Variants in OSBPL9 observed in about 807,000 individuals in gnomAD.
OSBPL9 encodes oxysterol binding protein like 9.
Under a neutral mutation model 106.6 loss-of-function variants are expected in OSBPL9, and 40 were observed. That is an observed-to-expected ratio of 0.38 (90% CI 0.29 to 0.49). OSBPL9 has a LOEUF of 0.49. Among genes scored for constraint, OSBPL9 ranks in the 20% least tolerant of loss-of-function variants. The pLI, the probability that OSBPL9 is intolerant of heterozygous loss-of-function variation, is 0.97. For synonymous variants in OSBPL9, 269 were observed against 295.4 expected (o/e 0.91, Z 0.92); for missense variants, 609 against 887.2 (o/e 0.69, Z 3.98).
At chr1:51,526,734 T>C in the OSBPL9 span, among the ~76,000 whole-genome samples, 8 of 147,902 alleles carry the variant, frequency 5.4e-5, no homozygotes, top group Non-Finnish European at 9.0e-5. Flanking sequence ...TATTTTACCC[T>C]TTTTTTTTTA....
At chr1:51,537,875 G>C in the OSBPL9 span, among the ~76,000 whole-genome samples, 1 of 152,042 alleles carries the variant, frequency 6.6e-6, no homozygotes, top group African/African-American at 2.4e-5. Context: ...ATTCATTACT[G>C]ATACTTTAAT....
At chr1:51,692,190 T>C (rs1312695524) in intron 3 of OSBPL9, among the ~76,000 whole-genome samples, 1 of 152,110 alleles carries the variant, frequency 6.6e-6, no homozygotes, top group African/African-American at 2.4e-5. Context: ...GCACCTTGTA[T>C]TCTCAGCTAC....
chr1:51,786,468 C>A, intron 21 of OSBPL9, 58 bp from the exon 22 acceptor site: 1 of 1,178,196 alleles, frequency 8.5e-7, no homozygotes, highest in Non-Finnish European at 1.2e-6. Context: ...TACAATGCAT[C>A]TAACATTAGG....
In OSBPL9 at chr1:51,729,854, CTCAG is replaced by C. The variant is rs533281683; in HGVS notation, c.319-15677_319-15674del. 4.9e-4 allele frequency: 610 copies of C among 1,247,876 alleles called. 2 individuals are homozygous for C. The African/African-American group carries it at 8.4e-3, about 17-fold the overall frequency. The allele number at this position is 1,247,876 out of a possible 1,614,324, so 77.3% of individuals were successfully genotyped here. ...GGGTGTCCCGGGGGACGGGCTGAAC[CTCAG>C]TCAGGACCGCCTGCACCGCAGTCCG... On this transcript the variant is annotated intron_variant, in intron 4 of 23. Coordinates refer to ENST00000428468, the MANE Select transcript of OSBPL9 (RefSeq NM_024586.6). This position sits in a 1 kb window ranked among gnomAD's most constrained non-coding sequence, Gnocchi z 5.1.
chr1:51,639,071 T>A (rs1645618069), intron 1 of OSBPL9, among the ~76,000 whole-genome samples: 1 of 152,252 alleles, frequency 6.6e-6, no homozygotes, highest in Non-Finnish European at 1.5e-5. Flanking sequence ...TATTGACGTA[T>A]AATTTTCTTC....
chr1:51,673,416 T>G (rs1029445212), intron 3 of OSBPL9, among the ~76,000 whole-genome samples: 8 of 152,202 alleles, frequency 5.3e-5, no homozygotes, highest in African/African-American at 1.9e-4. Flanking sequence ...AGGGAGCTTT[T>G]GTTTTGTTTT....
chr1:51,789,066 A>C lies in OSBPL9; in HGVS notation c.*1277A>C. 1.5e-6 allele frequency: 1 copy of C among 684,846 alleles called. No individual in the cohort carries two copies. Among genetic ancestry groups the C allele is most frequent in the Non-Finnish European group, 2.5e-6 (1 of 406,600 alleles). The allele number at this position is 684,846 out of a possible 1,614,324, so 42.4% of individuals were successfully genotyped here. A position where few individuals can be genotyped will look rare whatever the true frequency, so the allele number is the denominator to read the frequency against. ...ATTTTCCTTTGCCAGCTCCTACAGT[A>C]ACCCTGGGTTTATTAGTCTCAACAA... On this transcript the variant is annotated 3_prime_UTR_variant, in exon 24 of 24. Transcript: ENST00000428468.
the OSBPL9 span, among the ~76,000 whole-genome samples, chr1:51,534,002 C>T: frequency 6.6e-6 from 1 of 151,636 alleles, no homozygotes; most frequent in Non-Finnish European, 1.5e-5. Context: ...GTCAGGAGTT[C>T]GAGACTAGCC....
the OSBPL9 span, among the ~76,000 whole-genome samples, chr1:51,539,221 C>T: frequency 6.6e-6 from 1 of 152,156 alleles, no homozygotes; most frequent in African/African-American, 2.4e-5. Context: ...CCTGCCAAAC[C>T]TGCTTCGCCT....
At chr1:51,533,392 A>G in the OSBPL9 span, among the ~76,000 whole-genome samples, 2 of 151,454 alleles carry the variant, frequency 1.3e-5, no homozygotes, top group East Asian at 3.9e-4. Context: ...AGGCTGAGGC[A>G]GGAGAATCAC....
chr1:51,530,367 T>C, the OSBPL9 span, among the ~76,000 whole-genome samples: 1 of 151,514 alleles, frequency 6.6e-6, no homozygotes, highest in African/African-American at 2.4e-5. Context: ...GAAAAGACAA[T>C]CCAAGGAATG....
At chr1:51,663,581 T>C (rs988671648) in intron 2 of OSBPL9, among the ~76,000 whole-genome samples, 13 of 152,208 alleles carry the variant, frequency 8.5e-5, no homozygotes, top group African/African-American at 3.1e-4. Context: ...TTTCATGGCC[T>C]TGGGACTGGG....
chr1:51,671,121 G>T (rs1272164440), intron 3 of OSBPL9, among the ~76,000 whole-genome samples: 1 of 152,204 alleles, frequency 6.6e-6, no homozygotes, highest in Non-Finnish European at 1.5e-5. Context: ...TGGATTCATA[G>T]TTCTGAAACT....
chr1:51,628,333 T>C (rs1644893440), intron 1 of OSBPL9, among the ~76,000 whole-genome samples: 1 of 152,196 alleles, frequency 6.6e-6, no homozygotes, highest in African/African-American at 2.4e-5. Flanking sequence ...CATTTTGTAT[T>C]GTATTTCTTC....
chr1:51,658,347 A>T (rs1014192983), intron 2 of OSBPL9, among the ~76,000 whole-genome samples: 6 of 152,092 alleles, frequency 3.9e-5, no homozygotes, highest in African/African-American at 1.4e-4. Flanking sequence ...TTGGAGCTTA[A>T]TAGGATCTAA....
chr1:51,746,740 G>A lies in OSBPL9; in HGVS notation c.445G>A (p.Glu149Lys). The change falls in exon 6 of 24, where the codon GAA becomes AAA. Residue 149 changes from glutamate to lysine, a missense_variant. Physicochemically the swap from Glu to Lys is moderately conservative, Grantham distance 56. This residue lies in a region of OSBPL9 where 356 missense variants were observed against 505.8 expected (regional missense o/e 0.70). Transcript: ENST00000428468. The part of the protein sequence containing the change: ...LFDDKLQNCK[E>K]DEQRKKIETL... ...TGATGACAAGCTTCAAAACTGCAAA[G>A]AAGATGAACAGAGAAAGGTAACTTC... 2 of 1,608,170 alleles carry A rather than the reference G, an allele frequency of 1.2e-6. No homozygotes were observed. The highest frequency in any genetic ancestry group is 1.7e-6 in the Non-Finnish European group (2 of 1,178,100).
At chr1:51,614,486 G>A (rs1474510272), upstream of OSBPL9, 2 of 151,140 alleles carry the variant, frequency 1.3e-5, no homozygotes, top group South Asian at 4.2e-4. Context: ...TATTTTTTTT[G>A]TAGAGATGGG....
At chr1:51,760,930 A>T in intron 10 of OSBPL9, 150 bp downstream of exon 10, 3 of 837,404 alleles carry the variant, frequency 3.6e-6, no homozygotes, top group Non-Finnish European at 5.4e-6. Flanking sequence ...AAGTGAACTG[A>T]AAAAAGATGA....
rs1553199260 is a variant in OSBPL9, at chr1:51,788,851, T to TATCTA, written c.*1063_*1067dup. On this transcript the variant is annotated 3_prime_UTR_variant, in exon 24 of 24. Transcript: ENST00000428468. ...AAATACAGAACTATATCTATCTATC[T>TATCTA]ATCTATCATCTTTTTTATTTAAAAA... Among the ~76,000 whole-genome samples, 1 of 151,230 alleles carries TATCTA rather than the reference T, an allele frequency of 6.6e-6. No individual in the cohort carries two copies. Among genetic ancestry groups the TATCTA allele is most frequent in the Admixed American group, 6.6e-5 (1 of 15,246 alleles).
Sources: gnomAD v4.1 joint callset for allele counts (sites outside exome capture counted in the v4.1 genomes callset) on GRCh38, gnomAD v4.1.1 for gene constraint, gnomAD v4.1.1 regional missense constraint, Gnocchi (gnomAD v3.1) non-coding constraint, MANE v1.5 for transcripts, NCBI Gene and HGNC (gene_info 2026-07-23, HGNC 2026-07-21) for gene names.